The following DOCK6 variants were observed in gnomAD, a reference collection of about 807,000 sequenced individuals.
DOCK6 encodes dedicator of cytokinesis protein 6.
In DOCK6, 167 loss-of-function variants were observed where a neutral mutation model predicts 230.3. That is an observed-to-expected ratio of 0.73 (90% CI 0.64 to 0.82). DOCK6 has a LOEUF of 0.82. Ranked by LOEUF, DOCK6 falls within the 40% of genes least tolerant of loss-of-function variation. The probability of loss-of-function intolerance (pLI) is 0.00; values close to 1 mark genes in which losing one functional copy is unlikely to be tolerated. For missense variants in DOCK6, 2,598 were observed against 2,825.8 expected (o/e 0.92, Z 1.83); for synonymous variants, 1,148 against 1,185.0 (o/e 0.97, Z 0.64).
Position 11,237,664 on chromosome 19 carries a change from G to A in DOCK6, c.1948C>T (p.Leu650=). The A allele has an allele frequency of 1.3e-6, 2 of 1,598,730 alleles. No homozygotes were observed. Among genetic ancestry groups the A allele is most frequent in the South Asian group, 2.3e-5 (2 of 88,432 alleles). The change falls in exon 17 of 48, where the codon CTG becomes TTG. Residue 650 remains leucine, a synonymous_variant. Transcript: ENST00000294618. ...ACAGTAAAGCCCACGGGTGTCTCCA[G>A]GGCAGTGCCCGGCCGGGGCTGGCAG... is the stretch of plus-strand genomic sequence containing the variant. ...VSCQPRPGTA[L]ETPVGFTWIP... is the part of the protein sequence containing the mutation.
In DOCK6 at chr19:11,204,253, G is replaced by A. The variant is rs2147706442; in HGVS notation, c.5167C>T (p.Leu1723=). ...ILEAHRDYKK[L]AAVHGKLQEA... is the part of the protein sequence containing the mutation. ...TGCAGTTTGCCGTGCACCGCGGCCA[G>A]CTTCTTGTAGTCACGGTGGGCTTCC... The change falls in exon 40 of 48, where the codon CTG becomes TTG. Residue 1723 remains leucine (L), a synonymous_variant. Transcript: ENST00000294618. 5 of 1,598,506 alleles carry A rather than the reference G, an allele frequency of 3.1e-6. No individual in the cohort carries two copies. The highest frequency in any genetic ancestry group is 4.3e-6 in the Non-Finnish European group (5 of 1,171,572).
chr19:11,223,081 T>C lies in DOCK6; in HGVS notation c.2981A>G (p.Asn994Ser), dbSNP rs756886565. The change falls in exon 25 of 48, where the codon AAC (asparagine) becomes AGC (serine). Residue 994 changes from asparagine to serine, a missense_variant. Coordinates refer to ENST00000294618, the MANE Select transcript of DOCK6 (RefSeq NM_020812.4). ...ACTGAGGAAGAAAGCCAGGCTGGCG[T>C]TGAGGTGCTCGGCCAGCTCCACATC... ...HKDVELAEHL[N>S]ASLAFFLSDL... 7.4e-6 allele frequency: 12 copies of C among 1,613,480 alleles called. No individual in the cohort carries two copies. Among genetic ancestry groups the C allele is most frequent in the South Asian group, 4.4e-5 (4 of 91,068 alleles).
intron 13 of DOCK6, among the ~76,000 whole-genome samples, 187 bp from the exon 14 acceptor site, chr19:11,242,394 TTTTG>T (rs1046719075): frequency 3.3e-5 from 5 of 151,952 alleles, no homozygotes; most frequent in Non-Finnish European, 7.4e-5. Flanking sequence ...TTTTTTTCGT[TTTTG>T]TTTTTCTTTT....
At chr19:11,257,095 T>A (rs1280128830) in intron 1 of DOCK6, among the ~76,000 whole-genome samples, 1 of 152,000 alleles carries the variant, frequency 6.6e-6, no homozygotes, top group Non-Finnish European at 1.5e-5. Flanking sequence ...CAAGGAATCC[T>A]CCTGCCTCAG....
chr19:11,202,188 C>T lies in DOCK6; in HGVS notation c.5452-63G>A. 2 of 1,548,176 alleles carry T rather than the reference C, an allele frequency of 1.3e-6. No individual in the cohort carries two copies. Among genetic ancestry groups the T allele is most frequent in the Non-Finnish European group, 8.9e-7 (1 of 1,125,722 alleles). The stretch of plus-strand genomic sequence containing the variant: ...AGCACGCACAGCCCAAGCCCTGTTC[C>T]TGGAGAGAGGGGATCTGGGGACTTT... On this transcript the variant is annotated intron_variant, in intron 43 of 47. Transcript: ENST00000294618. The surrounding 1 kb of genome is among the most constrained non-coding windows in gnomAD (Gnocchi z 5.3).
intron 47 of DOCK6, among the ~76,000 whole-genome samples, 174 bp from the exon 48 acceptor site, chr19:11,199,713 G>A (rs1038104020): frequency 1.3e-5 from 2 of 152,184 alleles, no homozygotes; most frequent in Non-Finnish European, 2.9e-5. Flanking sequence ...AGTCCACCAC[G>A]GAAGGTATGA....
chr19:11,228,660 C>A (rs945515284), intron 23 of DOCK6, among the ~76,000 whole-genome samples: 1 of 151,104 alleles, frequency 6.6e-6, no homozygotes, highest in Non-Finnish European at 1.5e-5. Context: ...CCTGGGTGCA[C>A]GCCATTCTTC....
Position 11,214,621 on chromosome 19 carries a change from A to G in DOCK6, c.4135T>C (p.Leu1379=), listed in dbSNP as rs1487864681. ...KTKDEMEHEA[L]VEGNLATEAS... ...TCGGTTGCCAGGTTCCCTTCCACCA[A>G]GGCCTCGTGTTCCATTTCATCCTTG... The change falls in exon 33 of 48, where the codon TTG becomes CTG. Residue 1379 remains leucine (L), a synonymous_variant. Coordinates refer to ENST00000294618, the MANE Select transcript of DOCK6 (RefSeq NM_020812.4). The G allele has an allele frequency of 1.2e-6, 2 of 1,613,668 alleles. No homozygotes were observed. The highest frequency in any genetic ancestry group is 2.7e-5 in the African/African-American group (2 of 74,888).
Position 11,236,089 on chromosome 19 carries a change from A to G in DOCK6, c.2392+257T>C, listed in dbSNP as rs1423735190. On this transcript the variant is annotated intron_variant, in intron 20 of 47. Transcript: ENST00000294618. The surrounding 1 kb of genome is among the most constrained non-coding windows in gnomAD (Gnocchi z 5.2). ...GAGAAGGGGTTTCTCCATGTTGGTCAGGCTGGTCTCAAACTCTCGACCTCA... is the reference window on the plus strand; with the variant it reads ...GAGAAGGGGTTTCTCCATGTTGGTCGGGCTGGTCTCAAACTCTCGACCTCA... 5.6e-6 allele frequency: 3 copies of G among 536,730 alleles called. No homozygotes were observed. Among genetic ancestry groups the G allele is most frequent in the Admixed American group, 3.4e-5 (1 of 29,472 alleles). The allele number at this position is 536,730 out of a possible 1,614,324, so 33.2% of individuals were successfully genotyped here.
chr19:11,210,995 ACCTG>A (rs2079374529), intron 37 of DOCK6, among the ~76,000 whole-genome samples: 2 of 149,114 alleles, frequency 1.3e-5, no homozygotes, highest in African/African-American at 5.0e-5. Flanking sequence ...TCACCCACTC[ACCTG>A]CCTGTCCAAC....
intron 18 of DOCK6, chr19:11,237,208 G>C: frequency 3.3e-6 from 2 of 598,000 alleles, no homozygotes; most frequent in South Asian, 2.0e-5. Flanking sequence ...TACGAGGGCA[G>C]GGGACAGTGA....
intron 29 of DOCK6, 54 bp from the exon 30 acceptor site, chr19:11,217,150 T>A: frequency 6.3e-7 from 1 of 1,596,900 alleles, no homozygotes; most frequent in Non-Finnish European, 8.5e-7. Flanking sequence ...GTGAGATGAA[T>A]CCTGGCCAAT....
chr19:11,236,439 C>T lies in DOCK6; in HGVS notation c.2299G>A (p.Ala767Thr), dbSNP rs768324127. 10 of 1,590,240 alleles carry T rather than the reference C, an allele frequency of 6.3e-6. No homozygotes were observed. In the South Asian group the frequency reaches 1.0e-4, roughly 16 times the overall value. Residue 767 changes from alanine (A) to threonine (T), a missense_variant, in exon 20 of 48, where the codon GCC becomes ACC. By Grantham distance (58) the Ala-to-Thr change is moderately conservative. Coordinates refer to ENST00000294618, the MANE Select transcript of DOCK6 (RefSeq NM_020812.4). This position sits in a 1 kb window ranked among gnomAD's most constrained non-coding sequence, Gnocchi z 5.2. ...AAGGCCACAAGGGGTTCGGGGCTGG[C>T]CAGGCGCAGTGCTGCAAGACTGGCC... Reference protein sequence around the residue: ...LRASLAALRLASPEPLVAFSH... With the variant: ...LRASLAALRLTSPEPLVAFSH...
In DOCK6 at chr19:11,244,434, T is replaced by C. The variant is rs149770485; in HGVS notation, c.1024-552A>G. The stretch of plus-strand genomic sequence containing the variant: ...TCCTGAGTAGCTGGGATTACAGGCA[T>C]GACCCACCACACCTGGCTTTTTTTT... On this transcript the variant is annotated intron_variant, in intron 9 of 47. Coordinates refer to ENST00000294618, the MANE Select transcript of DOCK6 (RefSeq NM_020812.4). 4.1e-3 allele frequency among the ~76,000 whole-genome samples: 561 copies of C among 135,716 alleles called. 1 individual carries two copies. The highest frequency in any genetic ancestry group is 0.01 in the South Asian group (43 of 4,222). 89.0% of individuals were successfully genotyped at this position (135,716 alleles called of 152,430 possible).
Position 11,243,376 on chromosome 19 carries a change from G to GGCC in DOCK6, c.1265_1267dup (p.Arg422dup). ...CCGACGGCGGCGGTCTGTCCAGGCT[G>GGCC]GCCGGCGCTCTAGGGGAGGGAATGA... On this transcript the variant is annotated inframe_insertion, in exon 12 of 48. Coordinates refer to ENST00000294618, the MANE Select transcript of DOCK6 (RefSeq NM_020812.4). This position sits in a 1 kb window ranked among gnomAD's most constrained non-coding sequence, Gnocchi z 6.3. 6.2e-7 allele frequency: 1 copy of GGCC among 1,602,204 alleles called. No individual in the cohort carries two copies. Among genetic ancestry groups the GGCC allele is most frequent in the African/African-American group, 1.3e-5 (1 of 74,872 alleles).
At chr19:11,251,213 T>C (rs2080113239) in intron 5 of DOCK6, 127 bp from the exon 6 acceptor site, 2 of 944,976 alleles carry the variant, frequency 2.1e-6, no homozygotes, top group Non-Finnish European at 1.6e-6. Flanking sequence ...GGGTCATCAC[T>C]CTAAGGGTCA....
Position 11,243,595 on chromosome 19 carries a change from C to T in DOCK6, c.1220G>A (p.Ser407Asn), listed in dbSNP as rs2079984419. 2 of 1,610,122 alleles carry T rather than the reference C, an allele frequency of 1.2e-6. No homozygotes were observed. Among genetic ancestry groups the T allele is most frequent in the South Asian group, 1.1e-5 (1 of 90,564 alleles). Reference sequence around the variant, plus strand: ...AGAGTCCCGGTCCAGCTGCCCAGCGCTGCTCACGATGTTGGCCAAGTGCAC... The same window carrying T: ...AGAGTCCCGGTCCAGCTGCCCAGCGTTGCTCACGATGTTGGCCAAGTGCAC... ...TAVHLANIVS[S>N]AGQLDRDSDS... Residue 407 changes from serine to asparagine, a missense_variant, in exon 11 of 48, where the codon AGC (serine) becomes AAC (asparagine). Ser to Asn is a conservative substitution (Grantham distance 46, BLOSUM62 1). Coordinates refer to ENST00000294618, the MANE Select transcript of DOCK6 (RefSeq NM_020812.4). This position sits in a 1 kb window ranked among gnomAD's most constrained non-coding sequence, Gnocchi z 6.3.
intron 35 of DOCK6, among the ~76,000 whole-genome samples, chr19:11,212,851 C>T (rs1335348276): frequency 6.7e-6 from 1 of 149,862 alleles, no homozygotes; most frequent in Non-Finnish European, 1.5e-5. Context: ...AGGCATGAGC[C>T]ACTGTGCCTG....
chr19:11,242,108 C>T lies in DOCK6; in HGVS notation c.1580G>A (p.Arg527Gln), dbSNP rs1193584150. Reference protein sequence around the residue: ...HIKPYPDPRGRPTKEILEFPA... With the variant: ...HIKPYPDPRGQPTKEILEFPA... Reference sequence around the variant, plus strand: ...GAACTCCAGAATCTCCTTGGTGGGCCGGCCCCTGGGGTCCGGGTAGGGCTT... The same window carrying T: ...GAACTCCAGAATCTCCTTGGTGGGCTGGCCCCTGGGGTCCGGGTAGGGCTT... The change falls in exon 14 of 48, where the codon CGG becomes CAG. Residue 527 changes from arginine (R) to glutamine (Q), a missense_variant. Physicochemically the swap from Arg to Gln is conservative, Grantham distance 43. Coordinates refer to ENST00000294618, the MANE Select transcript of DOCK6 (RefSeq NM_020812.4). 2.6e-6 allele frequency: 4 copies of T among 1,519,136 alleles called. No homozygotes were observed. The highest frequency in any genetic ancestry group is 1.3e-5 in the South Asian group (1 of 74,598). The allele number at this position is 1,519,136 out of a possible 1,614,324, so 94.1% of individuals were successfully genotyped here.
Sources: allele counts gnomAD v4.1 joint callset (sites outside exome capture counted in the v4.1 genomes callset), GRCh38; gene constraint gnomAD v4.1.1; non-coding constraint Gnocchi (gnomAD v3.1); transcripts MANE v1.5; gene names NCBI Gene and HGNC (gene_info 2026-07-23, HGNC 2026-07-21).